Variants in PM20D2 observed in about 807,000 individuals in gnomAD.
PM20D2 encodes xaa-Arg dipeptidase.
PM20D2 carries 33 observed loss-of-function variants against 42.9 expected under a neutral mutation model. The ratio of observed to expected loss-of-function variants is 0.77; its 90% CI spans 0.58 to 1.03. The LOEUF is 1.03. Among genes scored for constraint, PM20D2 ranks in the 50% least tolerant of loss-of-function variants. PM20D2 has a pLI of 0.00. For missense variants in PM20D2, 548 were observed against 557.0 expected, an observed-to-expected ratio of 0.98 and a Z score of 0.16; for synonymous variants, 250 against 228.2, an observed-to-expected ratio of 1.10 and a Z score of -0.86.
the PM20D2 span, among the ~76,000 whole-genome samples, chr6:89,099,506 A>ATATATATATGTGTG: frequency 8.8e-5 from 5 of 56,520 alleles, no homozygotes; most frequent in Non-Finnish European, 1.3e-4. Flanking sequence ...ATATGTGTGT[A>ATATATATATGTGTG]TATATATATA....
intron 4 of PM20D2, among the ~76,000 whole-genome samples, chr6:89,158,046 A>G (rs1771110060): frequency 6.6e-6 from 1 of 152,122 alleles, no homozygotes; most frequent in African/African-American, 2.4e-5. Flanking sequence ...CTCATACCCT[A>G]TCTAGGTGAC....
At chr6:89,106,183 C>A in the PM20D2 span, among the ~76,000 whole-genome samples, 1 of 152,148 alleles carries the variant, frequency 6.6e-6, no homozygotes, top group East Asian at 1.9e-4. Context: ...TGCAATGGCG[C>A]GATCTCAGCT....
At chr6:89,117,209 G>C in the PM20D2 span, among the ~76,000 whole-genome samples, 2 of 152,274 alleles carry the variant, frequency 1.3e-5, no homozygotes, top group South Asian at 4.1e-4. Context: ...GTTAATACTG[G>C]ACTCAGAACT....
chr6:89,113,692 G>A, the PM20D2 span, among the ~76,000 whole-genome samples: 69 of 152,070 alleles, frequency 4.5e-4, no homozygotes, highest in South Asian at 0.013. Flanking sequence ...TCTCACCCCC[G>A]GAGTGCAGTG....
chr6:89,119,895 C>T, the PM20D2 span, among the ~76,000 whole-genome samples: 1 of 152,174 alleles, frequency 6.6e-6, no homozygotes, highest in Non-Finnish European at 1.5e-5. Context: ...GATCCTCCTG[C>T]CTTGGCCTCC....
chr6:89,138,449 A>C, the PM20D2 span, among the ~76,000 whole-genome samples: 1 of 152,224 alleles, frequency 6.6e-6, no homozygotes, highest in Non-Finnish European at 1.5e-5. Flanking sequence ...CTGAAATGGT[A>C]ATAAAAATGG....
chr6:89,128,454 A>G, the PM20D2 span, among the ~76,000 whole-genome samples: 6 of 152,082 alleles, frequency 3.9e-5, no homozygotes, highest in Non-Finnish European at 7.4e-5. Context: ...TATCAAGACA[A>G]TATGTGCACT....
chr6:89,104,041 T>A, the PM20D2 span, among the ~76,000 whole-genome samples: 1 of 132,192 alleles, frequency 7.6e-6, no homozygotes, highest in Non-Finnish European at 1.6e-5. Context: ...CTCACCATGT[T>A]GGCCAGGCTA....
intron 6 of PM20D2, 71 bp downstream of exon 6, chr6:89,161,961 A>AGGCAG (rs1381337286): frequency 1.1e-5 from 16 of 1,503,706 alleles, no homozygotes; most frequent in Non-Finnish European, 1.4e-5. Context: ...TTTCTGTTTA[A>AGGCAG]CCTACTATTT....
At chr6:89,096,261 G>A in the PM20D2 span, 1 of 152,206 alleles carries the variant, frequency 6.6e-6, no homozygotes, top group Admixed American at 6.6e-5. Context: ...GGACTCTGAA[G>A]CCCAGTCACT....
the PM20D2 span, among the ~76,000 whole-genome samples, chr6:89,126,692 G>A: frequency 1.4e-5 from 2 of 146,374 alleles, no homozygotes; most frequent in Non-Finnish European, 3.0e-5. Context: ...AAAAAAAGGA[G>A]TTATTAGCAT....
the PM20D2 span, among the ~76,000 whole-genome samples, chr6:89,113,720 TGCA>T: frequency 6.6e-6 from 1 of 152,198 alleles, no homozygotes; most frequent in African/African-American, 2.4e-5. Context: ...CTTGACTCAC[TGCA>T]GCCTCGACCA....
chr6:89,097,095 T>C, the PM20D2 span: 20 of 152,318 alleles, frequency 1.3e-4, no homozygotes, highest in African/African-American at 4.6e-4. Flanking sequence ...GTTTCTTACA[T>C]ATGGGATCTA....
rs1771286237 is a variant in PM20D2 at position 89,162,701 on chromosome 6, G to T, written c.*438G>T. 1 of 153,890 alleles carries T rather than the reference G, an allele frequency of 6.5e-6. No homozygotes were observed. The highest frequency in any genetic ancestry group is 1.4e-5 in the Non-Finnish European group (1 of 69,290). The allele number at this position is 153,890 out of a possible 1,614,324, so 9.5% of individuals were successfully genotyped here. A position where few individuals can be genotyped will look rare whatever the true frequency, so the allele number is the denominator to read the frequency against. On this transcript the variant is annotated 3_prime_UTR_variant, in exon 7 of 7. Transcript: ENST00000275072. ...CCCATGAGAGTGTTTTGTGGTATAG[G>T]GTGGTAAACTTGTTCTCTAATCGTA... is the stretch of plus-strand genomic sequence containing the variant.
the PM20D2 span, chr6:89,095,836 T>A: frequency 1.3e-5 from 2 of 152,366 alleles, no homozygotes; most frequent in African/African-American, 4.8e-5. Flanking sequence ...TGGCAGTCTC[T>A]ATTTTCTTTG....
chr6:89,141,092 TCTC>T (rs1770273633), upstream of PM20D2, among the ~76,000 whole-genome samples: 1 of 152,126 alleles, frequency 6.6e-6, no homozygotes, highest in Non-Finnish European at 1.5e-5. Flanking sequence ...GCTCTGCTGG[TCTC>T]CTCCTGGACA....
chr6:89,120,270 T>G, the PM20D2 span, among the ~76,000 whole-genome samples: 79 of 152,324 alleles, frequency 5.2e-4, no homozygotes, highest in Non-Finnish European at 1.1e-3. Flanking sequence ...CTATCTCTTA[T>G]AAGGACATTT....
At chr6:89,112,396 T>TA in the PM20D2 span, among the ~76,000 whole-genome samples, 1 of 151,900 alleles carries the variant, frequency 6.6e-6, no homozygotes, top group Admixed American at 6.6e-5. Flanking sequence ...AGAAGAAAAG[T>TA]AAGTCCTACT....
Position 89,162,189 on chromosome 6 carries a change from G to C in PM20D2, c.1237G>C (p.Glu413Gln), listed in dbSNP as rs773032162. 9.3e-6 allele frequency: 15 copies of C among 1,614,088 alleles called. No individual in the cohort carries two copies. Among genetic ancestry groups the C allele is most frequent in the Non-Finnish European group, 1.2e-5 (14 of 1,179,944 alleles). ...GGCACTGGATGTTATTTTTAAACCA[G>C]AGTTACTGGAAGGAATCAGAGAGGA... ...MTALDVIFKP[E>Q]LLEGIREDFK... The change falls in exon 7 of 7, where the codon GAG becomes CAG. Residue 413 changes from glutamate to glutamine, a missense_variant. By Grantham distance (29) the Glu-to-Gln change is conservative. Around this residue, in one of 3 missense-constraint regions of PM20D2, gnomAD observed 71 missense variants for 69.7 expected, o/e 1.02. Coordinates refer to ENST00000275072, the MANE Select transcript of PM20D2 (RefSeq NM_001010853.3).
Sources: allele counts gnomAD v4.1 joint callset (sites outside exome capture counted in the v4.1 genomes callset), GRCh38; gene constraint gnomAD v4.1.1; regional missense constraint gnomAD v4.1.1; transcripts MANE v1.5; gene names NCBI Gene and HGNC (gene_info 2026-07-23, HGNC 2026-07-21).